The following NOL10 variants were observed in gnomAD, a reference collection of about 807,000 sequenced individuals.
NOL10 encodes the protein nucleolar protein 10.
Under a neutral mutation model 103.5 loss-of-function variants are expected in NOL10, and 58 were observed. The ratio of observed to expected loss-of-function variants is 0.56; its 90% confidence interval spans 0.45 to 0.70. The LOEUF (loss-of-function observed/expected upper bound fraction) is 0.70. Ranked by LOEUF, NOL10 falls within the 30% of genes least tolerant of loss-of-function variation. The probability of loss-of-function intolerance (pLI) is 0.00; values close to 1 mark genes in which losing one functional copy is unlikely to be tolerated. For missense variants in NOL10, 763 were observed against 807.3 expected (o/e 0.95, Z 0.67); for synonymous variants, 287 against 282.5 (o/e 1.02, Z -0.16).
chr2:10,657,872 C>A lies in NOL10; in HGVS notation c.776G>T (p.Arg259Leu). The A allele has an allele frequency of 6.5e-7, 1 of 1,536,392 alleles. No individual in the cohort carries two copies. The highest frequency in any genetic ancestry group is 8.8e-7 in the Non-Finnish European group (1 of 1,141,468). Residue 259 changes from arginine (R) to leucine (L), a missense_variant, in exon 11 of 21, where the codon CGA becomes CTA. Coordinates refer to ENST00000381685, the MANE Select transcript of NOL10 (RefSeq NM_024894.4). ...TTGQVLLYDL[R>L]SDKPLLVKDH... is the part of the protein sequence containing the mutation. ...TTTAACTAGCAATGGCTTATCAGAT[C>A]GAAGGTCATATAATAAAACCTGAAA...
chr2:10,664,152 C>T (rs926750114), intron 8 of NOL10, among the ~76,000 whole-genome samples: 4 of 151,596 alleles, frequency 2.6e-5, no homozygotes, highest in Non-Finnish European at 4.4e-5. Context: ...CAGAACAGGC[C>T]GGGCATGGTG....
At chr2:10,625,859 A>G (rs966744881) in intron 13 of NOL10, among the ~76,000 whole-genome samples, 3 of 151,992 alleles carry the variant, frequency 2.0e-5, no homozygotes, top group Non-Finnish European at 2.9e-5. Context: ...GACAAAATAC[A>G]TTTTTTTCAT....
At chr2:10,577,145 G>A (rs534442757) in intron 20 of NOL10, among the ~76,000 whole-genome samples, 2 of 152,318 alleles carry the variant, frequency 1.3e-5, no homozygotes, top group African/African-American at 4.8e-5. Flanking sequence ...AGAGTAGTCT[G>A]TCTTCTAAAA....
intron 13 of NOL10, among the ~76,000 whole-genome samples, chr2:10,620,771 C>G (rs965257017): frequency 5.9e-5 from 9 of 152,064 alleles, no homozygotes; most frequent in African/African-American, 2.2e-4. Flanking sequence ...GGGAGGGAAG[C>G]AGTGTGTATA....
chr2:10,601,443 G>T (rs887213070), intron 16 of NOL10, among the ~76,000 whole-genome samples: 1 of 152,086 alleles, frequency 6.6e-6, no homozygotes, highest in East Asian at 1.9e-4. Context: ...GGGCCACATG[G>T]CAAAAAAACG....
At chr2:10,675,156 T>C (rs1681216256) in intron 4 of NOL10, among the ~76,000 whole-genome samples, 1 of 151,966 alleles carries the variant, frequency 6.6e-6, no homozygotes, top group Non-Finnish European at 1.5e-5. Flanking sequence ...TAAACTATGA[T>C]CATGCCACAG....
intron 19 of NOL10, among the ~76,000 whole-genome samples, chr2:10,583,936 CA>C (rs57085798): frequency 0.091 from 13,864 of 152,214 alleles, 1,016 homozygotes; most frequent in East Asian, 0.39. Context: ...AAAGTATTTA[CA>C]ACACTAGGGG....
At chr2:10,595,967 T>TA (rs983154153) in intron 17 of NOL10, among the ~76,000 whole-genome samples, 8 of 151,678 alleles carry the variant, frequency 5.3e-5, no homozygotes, top group Admixed American at 1.3e-4. Context: ...AACTGTAATT[T>TA]AAAAAAAACA....
intron 1 of NOL10, among the ~76,000 whole-genome samples, chr2:10,685,177 T>C (rs1682065596): frequency 1.3e-5 from 2 of 152,218 alleles, no homozygotes; most frequent in Non-Finnish European, 2.9e-5. Flanking sequence ...ATGTTTCTTA[T>C]AGAAATATAT....
At chr2:10,655,889 C>A (rs1038826280) in intron 11 of NOL10, among the ~76,000 whole-genome samples, 2 of 152,122 alleles carry the variant, frequency 1.3e-5, no homozygotes, top group African/African-American at 4.8e-5. Context: ...CAAGTCCTAA[C>A]CCAAGACTAA....
At chr2:10,657,133 A>C (rs11690034) in intron 11 of NOL10, among the ~76,000 whole-genome samples, 5,232 of 152,278 alleles carry the variant, frequency 0.034, 175 homozygotes, top group African/African-American at 0.084. Flanking sequence ...AGACTGGCCA[A>C]CATGATGAAA....
rs778007085 is a variant in NOL10, at chr2:10,673,522, T to C, written c.325A>G (p.Lys109Glu). The C allele has an allele frequency of 3.8e-6, 6 of 1,596,548 alleles. No homozygotes were observed. The highest frequency in any genetic ancestry group is 3.4e-6 in the Non-Finnish European group (4 of 1,170,132). ...TFEILSDDYSKIVFLHNDRYI... is the reference protein window; with the variant it reads ...TFEILSDDYSEIVFLHNDRYI... ...CAAACCAATGCTATAAAACATACCTTTGAGTAGTCATCAGACAAAATTTCA... is the reference window on the plus strand; with the variant it reads ...CAAACCAATGCTATAAAACATACCTCTGAGTAGTCATCAGACAAAATTTCA... Residue 109 changes from lysine (K) to glutamate (E), a missense_variant and splice_region_variant, in exon 5 of 21, where the codon AAG becomes GAG. By Grantham distance (56) the Lys-to-Glu change is moderately conservative (BLOSUM62 1). Coordinates refer to ENST00000381685, the MANE Select transcript of NOL10 (RefSeq NM_024894.4).
chr2:10,589,594 T>C lies in NOL10; in HGVS notation c.1580A>G (p.Gln527Arg), dbSNP rs1448124555. Residue 527 changes from glutamine to arginine, a missense_variant, in exon 18 of 21, where the codon CAA becomes CGA. Coordinates refer to ENST00000381685, the MANE Select transcript of NOL10 (RefSeq NM_024894.4). Reference sequence around the variant, plus strand: ...GTACATTACTTTTTCACGAAGTTCTTGTTGCTCTAAGAGTCTTAGTTTCTT... The same window carrying C: ...GTACATTACTTTTTCACGAAGTTCTCGTTGCTCTAAGAGTCTTAGTTTCTT... ...RKKKLRLLEQ[Q>R]ELREKEEEEE... 2 of 1,570,272 alleles carry C rather than the reference T, an allele frequency of 1.3e-6. No individual in the cohort carries two copies. Among genetic ancestry groups the C allele is most frequent in the Admixed American group, 2.1e-5 (1 of 48,388 alleles).
chr2:10,669,631 C>T (rs770517573), intron 6 of NOL10, among the ~76,000 whole-genome samples: 4 of 151,166 alleles, frequency 2.6e-5, no homozygotes, highest in Admixed American at 1.3e-4. Context: ...CGGTGGCTCA[C>T]GCCTGTAATC....
At chr2:10,621,907 G>C in intron 13 of NOL10, 1 of 365,642 alleles carries the variant, frequency 2.7e-6, no homozygotes, top group African/African-American at 2.1e-5. Flanking sequence ...CTCTGGAATA[G>C]TTTAGAGCTA....
chr2:10,615,606 G>A (rs752083453), intron 13 of NOL10, among the ~76,000 whole-genome samples: 2 of 152,200 alleles, frequency 1.3e-5, no homozygotes, highest in Non-Finnish European at 2.9e-5. Context: ...ACTTTTAAAA[G>A]GTATTAACCT....
chr2:10,573,841 G>T (rs190782507), intron 20 of NOL10, among the ~76,000 whole-genome samples: 335 of 152,158 alleles, frequency 2.2e-3, no homozygotes, highest in African/African-American at 7.7e-3. Context: ...GTCTCAAAGG[G>T]TCCCACCCAA....
At chr2:10,621,335 T>C (rs781275816) in intron 13 of NOL10, among the ~76,000 whole-genome samples, 4 of 152,194 alleles carry the variant, frequency 2.6e-5, no homozygotes, top group Non-Finnish European at 4.4e-5. Flanking sequence ...GGCTCAGGCC[T>C]GTAATCCCAG....
chr2:10,634,552 G>T (rs1312698859), intron 13 of NOL10: 1 of 456,606 alleles, frequency 2.2e-6, no homozygotes, highest in African/African-American at 2.0e-5. Flanking sequence ...GTAGCTCAGA[G>T]GGAAGGCTGG....
Sources: gnomAD v4.1 joint callset for allele counts (sites outside exome capture counted in the v4.1 genomes callset) on GRCh38, gnomAD v4.1.1 for gene constraint, MANE v1.5 for transcripts, NCBI Gene and HGNC (gene_info 2026-07-23, HGNC 2026-07-21) for gene names.